GLRX3: variants seen among roughly 807,000 people sequenced by gnomAD.
The protein encoded by GLRX3 is glutaredoxin-3.
GLRX3 carries 22 observed loss-of-function variants against 49.5 expected under a neutral mutation model. The observed-to-expected ratio is 0.44, with a 90% CI of 0.32 to 0.63. The LOEUF (loss-of-function observed/expected upper bound fraction) is 0.63. Ranked by LOEUF, GLRX3 falls within the 30% of genes least tolerant of loss-of-function variation. The pLI, the probability that GLRX3 is intolerant of heterozygous loss-of-function variation, is 0.05. For synonymous variants in GLRX3, 133 were observed against 140.0 expected (o/e 0.95, Z 0.35); for missense variants, 385 against 396.3 (o/e 0.97, Z 0.24).
chr10:130,140,035 A>G (rs74162557), intron 1 of GLRX3, among the ~76,000 whole-genome samples: 5,618 of 152,194 alleles, frequency 0.037, 193 homozygotes, highest in East Asian at 0.1. Context: ...ATGAATTGAA[A>G]TTTTTTTCTT....
At chr10:130,159,574 T>A (rs1397448360) in intron 2 of GLRX3, among the ~76,000 whole-genome samples, 1 of 152,252 alleles carries the variant, frequency 6.6e-6, no homozygotes, top group East Asian at 1.9e-4. Flanking sequence ...CATGATGTAC[T>A]GCCTCTTGAA....
At chr10:130,144,216 T>C (rs867544798) in intron 1 of GLRX3, among the ~76,000 whole-genome samples, 4 of 152,110 alleles carry the variant, frequency 2.6e-5, no homozygotes, top group Middle Eastern at 6.8e-3. Context: ...TTCACAAACA[T>C]TGTGCCATTA....
chr10:130,141,076 A>T (rs1190562935), intron 1 of GLRX3, among the ~76,000 whole-genome samples: 1 of 152,154 alleles, frequency 6.6e-6, no homozygotes, highest in East Asian at 1.9e-4. Context: ...GTGGCTCATG[A>T]CTGTAATCCC....
At chr10:130,145,389 G>A (rs1357235815) in intron 2 of GLRX3, 70 bp downstream of exon 2, 3 of 777,802 alleles carry the variant, frequency 3.9e-6, no homozygotes, top group Non-Finnish European at 6.9e-6. Context: ...AGGGCTGGGT[G>A]CGGTAGCTCA....
intron 2 of GLRX3, among the ~76,000 whole-genome samples, chr10:130,157,383 G>A (rs1003283535): frequency 1.3e-5 from 2 of 151,086 alleles, no homozygotes; most frequent in South Asian, 2.1e-4. Flanking sequence ...GGAGGAGAGG[G>A]AGGGAGAGAG....
At chr10:130,156,917 A>T (rs1183441818) in intron 2 of GLRX3, among the ~76,000 whole-genome samples, 5 of 152,240 alleles carry the variant, frequency 3.3e-5, no homozygotes, top group Non-Finnish European at 5.9e-5. Flanking sequence ...CTACTTTGAC[A>T]TGTAATCTTT....
At chr10:130,161,285 C>T (rs536858301) in intron 4 of GLRX3, among the ~76,000 whole-genome samples, 7 of 152,286 alleles carry the variant, frequency 4.6e-5, no homozygotes, top group Non-Finnish European at 8.8e-5. Context: ...GTGACTTGCC[C>T]AAGGTCACCT....
chr10:130,175,463 C>T (rs950868454), intron 10 of GLRX3, among the ~76,000 whole-genome samples: 3 of 152,202 alleles, frequency 2.0e-5, no homozygotes, highest in Admixed American at 6.5e-5. Context: ...GCCTGTGGCC[C>T]GGTGCTGCCC....
intron 4 of GLRX3, 38 bp from the exon 5 acceptor site, chr10:130,166,469 A>T: frequency 2.0e-6 from 3 of 1,513,374 alleles, no homozygotes; most frequent in Non-Finnish European, 2.7e-6. Context: ...GTTTTGGGAG[A>T]GAGAAGTTAA....
chr10:130,151,817 CTGCTTTTTT>C (rs916740037), intron 2 of GLRX3, among the ~76,000 whole-genome samples: 1 of 152,082 alleles, frequency 6.6e-6, no homozygotes, highest in African/African-American at 2.4e-5. Flanking sequence ...ATTGCAACCC[CTGCTTTTTT>C]TGCTTTCCAT....
chr10:130,175,358 T>G (rs1425125167), intron 10 of GLRX3, among the ~76,000 whole-genome samples: 1 of 152,106 alleles, frequency 6.6e-6, no homozygotes, highest in Non-Finnish European at 1.5e-5. Context: ...TCACTCAGGG[T>G]CCTTGTTAGA....
rs571248846 is a variant in GLRX3 at position 130,175,059 on chromosome 10, G to A, written c.927G>A (p.Gly309=). The A allele has an allele frequency of 3.1e-6, 5 of 1,587,898 alleles. No individual in the cohort carries two copies. Among genetic ancestry groups the A allele is most frequent in the Admixed American group, 3.3e-5 (2 of 59,964 alleles). Residue 309 remains glycine (G), a synonymous_variant, in exon 10 of 11, where the codon GGG becomes GGA. Transcript: ENST00000331244. ...WPTYPQLYVK[G]ELVGGLDIVK... ...CATACCCTCAGCTGTATGTGAAAGG[G>A]GAGCTGGTGGGAGGATTGGATATTG...
At chr10:130,166,385 C>A in intron 4 of GLRX3, 122 bp from the exon 5 acceptor site, 1 of 644,056 alleles carries the variant, frequency 1.6e-6, no homozygotes, top group Non-Finnish European at 2.7e-6. Flanking sequence ...AATTAAATCA[C>A]CAGCAAAATA....
At chr10:130,162,485 G>A (rs1229297373) in intron 4 of GLRX3, among the ~76,000 whole-genome samples, 1 of 152,166 alleles carries the variant, frequency 6.6e-6, no homozygotes, top group Non-Finnish European at 1.5e-5. Flanking sequence ...CATGAAACAT[G>A]AAAATTATTT....
Position 130,160,053 on chromosome 10 carries a change from C to T in GLRX3, c.260C>T (p.Thr87Ile). 1 of 1,597,072 alleles carries T rather than the reference C, an allele frequency of 6.3e-7. No homozygotes were observed. Among genetic ancestry groups the T allele is most frequent in the Non-Finnish European group, 8.6e-7 (1 of 1,164,576 alleles). Residue 87 changes from threonine to isoleucine, a missense_variant, in exon 3 of 11, where the codon ACT (threonine) becomes ATT (isoleucine). Coordinates refer to ENST00000331244, the MANE Select transcript of GLRX3 (RefSeq NM_006541.5). ...SEKYEISSVP[T>I]FLFFKNSQKI... Reference sequence around the variant, plus strand: ...AAATATGAAATTAGCTCTGTTCCCACTTTTCTGTTTTTCAAGGTAAGGATA... The same window carrying T: ...AAATATGAAATTAGCTCTGTTCCCATTTTTCTGTTTTTCAAGGTAAGGATA...
Position 130,169,475 on chromosome 10 carries a change from G to C in GLRX3, c.756G>C (p.Met252Ile), listed in dbSNP as rs778332484. 6.2e-7 allele frequency: 1 copy of C among 1,608,426 alleles called. No homozygotes were observed. Among genetic ancestry groups the C allele is most frequent in the East Asian group, 2.2e-5 (1 of 44,840 alleles). Residue 252 changes from methionine (M) to isoleucine (I), a missense_variant, in exon 7 of 11, where the codon ATG becomes ATC. Around this residue, in one of 2 missense-constraint regions of GLRX3, gnomAD observed 374 missense variants for 358.6 expected, o/e 1.04. Transcript: ENST00000331244. ...LTNKASVMLF[M>I]KGNKQEAKCG... ...ATAAAGCTTCTGTGATGCTCTTTAT[G>C]AAAGGAAACAAACAGGTAAAGAACT...
rs1026766641 is a variant in GLRX3, at chr10:130,143,443, A to G, written c.93-1768A>G. ...ATTTTTTAGTTGGATATGACCATAG[A>G]TATCTTTGCCAAGATAATTTTGTGT... is the stretch of plus-strand genomic sequence containing the variant. On this transcript the variant is annotated intron_variant, in intron 1 of 10. Transcript: ENST00000331244. Among the ~76,000 whole-genome samples, 4 of 152,322 alleles carry G rather than the reference A, an allele frequency of 2.6e-5. No homozygotes were observed. The South Asian group carries it at 8.3e-4, about 32-fold the overall frequency.
At chr10:130,137,070 C>T (rs1328410309) in intron 1 of GLRX3, among the ~76,000 whole-genome samples, 1 of 152,076 alleles carries the variant, frequency 6.6e-6, no homozygotes, top group African/African-American at 2.4e-5. Context: ...GTTGCATTAG[C>T]TAGGCCTGGC....
intron 2 of GLRX3, among the ~76,000 whole-genome samples, chr10:130,155,610 T>C (rs1288283465): frequency 5.3e-5 from 8 of 152,140 alleles, no homozygotes; most frequent in Admixed American, 4.6e-4. Flanking sequence ...AGAGATGCCT[T>C]GTGGGAGGAG....
Sources: allele counts gnomAD v4.1 joint callset (sites outside exome capture counted in the v4.1 genomes callset), GRCh38; gene constraint gnomAD v4.1.1; regional missense constraint gnomAD v4.1.1; transcripts MANE v1.5; gene names NCBI Gene and HGNC (gene_info 2026-07-23, HGNC 2026-07-21).